Variants in PCDHGA7 observed in about 807,000 individuals in gnomAD.
The protein encoded by PCDHGA7 is protocadherin gamma-A7.
A neutral mutation model predicts 58.3 loss-of-function variants in PCDHGA7; 44 were observed. The observed-to-expected ratio is 0.75, with a 90% confidence interval of 0.59 to 0.97. PCDHGA7 has a LOEUF of 0.97. PCDHGA7 is among the 50% of genes least tolerant of loss of function. The pLI is 0.00. For synonymous variants in PCDHGA7, 516 were observed against 504.2 expected (o/e 1.02, Z -0.31); for missense variants, 1,266 against 1,188.7 (o/e 1.06, Z -0.96).
At chr5:141,400,341 C>T in intron 1 of PCDHGA7, 7 of 1,614,070 alleles carry the variant, frequency 4.3e-6, no homozygotes, top group Non-Finnish European at 5.9e-6. Flanking sequence ...TTCCCCCCAA[C>T]TACAGTCAGG....
In PCDHGA7 at chr5:141,432,866, G is replaced by A; in HGVS notation, c.2424+47543G>A. The A allele has an allele frequency of 6.2e-7, 1 of 1,614,152 alleles. No individual in the cohort carries two copies. The highest frequency in any genetic ancestry group is 8.5e-7 in the Non-Finnish European group (1 of 1,180,008). On this transcript the variant is annotated intron_variant, in intron 1 of 3. Transcript: ENST00000518325. This position sits in a 1 kb window ranked among gnomAD's most constrained non-coding sequence, Gnocchi z 6.0. ...GGTAGCGGTGGCCGCGGTCTCCTGC[G>A]TCTTCCTGGCCTTCGTCATCTTGCT...
rs755462760 is a variant in PCDHGA7, at chr5:141,393,015, T to A, written c.2424+7692T>A. On this transcript the variant is annotated intron_variant, in intron 1 of 3. Coordinates refer to ENST00000518325, the MANE Select transcript of PCDHGA7 (RefSeq NM_018920.4). ...GGCGAAGCACGGAGTCCGTATCGTC[T>A]CCAGAGGTAGGACGCAGCTCTTTGC... The A allele has an allele frequency of 1.6e-5, 26 of 1,613,696 alleles. No individual in the cohort carries two copies. The highest frequency in any genetic ancestry group is 1.9e-5 in the Non-Finnish European group (22 of 1,179,874).
chr5:141,413,286 C>G, intron 1 of PCDHGA7: 1 of 1,613,968 alleles, frequency 6.2e-7, no homozygotes, highest in Non-Finnish European at 8.5e-7. Flanking sequence ...AGATCTCCTA[C>G]TCAATTCCTG....
rs771459458 is a variant in PCDHGA7 at position 141,394,997 on chromosome 5, C to A, written c.2424+9674C>A. On this transcript the variant is annotated intron_variant, in intron 1 of 3. Coordinates refer to ENST00000518325, the MANE Select transcript of PCDHGA7 (RefSeq NM_018920.4). The stretch of plus-strand genomic sequence containing the variant: ...ACAAGTCACGCCTGCTCCAGGATTC[C>A]GGTGGCAGATTGGTAGGCGTGCCTG... 4 of 1,614,016 alleles carry A rather than the reference C, an allele frequency of 2.5e-6. No individual in the cohort carries two copies. In the South Asian group the frequency reaches 3.3e-5, roughly 13 times the overall value.
At chr5:141,398,683 C>T (rs910361681) in intron 1 of PCDHGA7, 1 of 1,613,796 alleles carries the variant, frequency 6.2e-7, no homozygotes, top group African/African-American at 1.3e-5. Flanking sequence ...TAAGGAGAAA[C>T]AGGATGGTAG....
chr5:141,415,745 T>C, intron 1 of PCDHGA7: 1 of 517,922 alleles, frequency 1.9e-6, no homozygotes, highest in Non-Finnish European at 2.4e-6. Context: ...TTAAGGTTTT[T>C]TTTTTTTTTT....
At chr5:141,422,302 G>A (rs749870505) in intron 1 of PCDHGA7, 2 of 1,549,012 alleles carry the variant, frequency 1.3e-6, no homozygotes, top group Admixed American at 4.3e-5. Flanking sequence ...TTCAATTCTG[G>A]AAAACTCTCC....
chr5:141,399,173 T>C, intron 1 of PCDHGA7: 1 of 1,613,830 alleles, frequency 6.2e-7, no homozygotes, highest in East Asian at 2.2e-5. Context: ...CATTCTCTAC[T>C]TGAAATGATT....
At chr5:141,395,517 T>G in intron 1 of PCDHGA7, 2 of 415,414 alleles carry the variant, frequency 4.8e-6, no homozygotes, top group Non-Finnish European at 4.3e-6. Context: ...TAGCTACCCG[T>G]CCATACTGGT....
At chr5:141,399,627 C>G (rs751717107) in intron 1 of PCDHGA7, 12 of 1,613,906 alleles carry the variant, frequency 7.4e-6, no homozygotes, top group South Asian at 1.1e-5. Context: ...TGGCCTCTTA[C>G]GTGTCCATGA....
intron 1 of PCDHGA7, chr5:141,400,326 T>A: frequency 6.2e-7 from 1 of 1,614,104 alleles, no homozygotes; most frequent in Non-Finnish European, 8.5e-7. Flanking sequence ...AGTCTGGACC[T>A]GTGGTTCCCC....
chr5:141,383,687 C>G lies in PCDHGA7; in HGVS notation c.788C>G (p.Thr263Arg). 3 of 1,613,968 alleles carry G rather than the reference C, an allele frequency of 1.9e-6. No homozygotes were observed. Among genetic ancestry groups the G allele is most frequent in the Non-Finnish European group, 2.5e-6 (3 of 1,179,866 alleles). ...ENVPVGTRLL[T>R]VHAIDLDEGV... ...GTGCCAGTGGGTACAAGACTGCTCA[C>G]GGTACATGCTATCGACCTGGACGAG... is the stretch of plus-strand genomic sequence containing the variant. The change falls in exon 1 of 4, where the codon ACG becomes AGG. Residue 263 changes from threonine to arginine, a missense_variant. Coordinates refer to ENST00000518325, the MANE Select transcript of PCDHGA7 (RefSeq NM_018920.4).
At chr5:141,442,848 T>C (rs1210778801) in intron 1 of PCDHGA7, among the ~76,000 whole-genome samples, 2 of 152,236 alleles carry the variant, frequency 1.3e-5, no homozygotes, top group Non-Finnish European at 2.9e-5. Context: ...ATCTTGGCCA[T>C]TGTAGTATGA....
At chr5:141,437,042 A>G (rs1355358776) in intron 1 of PCDHGA7, among the ~76,000 whole-genome samples, 1 of 152,264 alleles carries the variant, frequency 6.6e-6, no homozygotes, top group Non-Finnish European at 1.5e-5. Context: ...CACCGAAACC[A>G]GAAGGCTGGT....
chr5:141,434,924 A>G (rs2097731722), intron 1 of PCDHGA7, among the ~76,000 whole-genome samples: 1 of 151,756 alleles, frequency 6.6e-6, no homozygotes, highest in African/African-American at 2.4e-5. Context: ...ATGTACATAT[A>G]TTTTATATAA....
At position 141,485,413 on chromosome 5, in the gene PCDHGA7, C is replaced by T; in HGVS notation, c.2425-9394C>T. ...AAAGACACTTCCGTGTGGATTTGGA[C>T]AGCGGAGCCCTGCTCATCAAGAACC... On this transcript the variant is annotated intron_variant, in intron 1 of 3. Transcript: ENST00000518325. The surrounding 1 kb of genome is among the most constrained non-coding windows in gnomAD (Gnocchi z 5.7). The T allele has an allele frequency of 6.2e-7, 1 of 1,614,158 alleles. No individual in the cohort carries two copies. The highest frequency in any genetic ancestry group is 8.5e-7 in the Non-Finnish European group (1 of 1,180,030).
intron 1 of PCDHGA7, chr5:141,475,937 C>G (rs970582600): frequency 2.8e-5 from 19 of 676,764 alleles, no homozygotes; most frequent in African/African-American, 1.8e-4. Context: ...GGCCCCTGCC[C>G]GTCCCCTTTC....
Position 141,476,383 on chromosome 5 carries a change from C to T in PCDHGA7, c.2425-18424C>T, listed in dbSNP as rs547854431. The T allele has an allele frequency of 6.2e-7, 1 of 1,613,984 alleles. No homozygotes were observed. The highest frequency in any genetic ancestry group is 8.5e-7 in the Non-Finnish European group (1 of 1,180,044). On this transcript the variant is annotated intron_variant, in intron 1 of 3. Coordinates refer to ENST00000518325, the MANE Select transcript of PCDHGA7 (RefSeq NM_018920.4). This position sits in a 1 kb window ranked among gnomAD's most constrained non-coding sequence, Gnocchi z 7.6. ...GGGAGACCGGAGAGATGTTTGTGAA[C>T]GACCGTCTGGATCGAGAGGAGCTGT...
intron 1 of PCDHGA7, among the ~76,000 whole-genome samples, chr5:141,481,300 GA>G (rs998363845): frequency 3.3e-5 from 5 of 152,248 alleles, no homozygotes; most frequent in African/African-American, 1.2e-4. Context: ...TCATCTAAGG[GA>G]AAAACCTTCC....
Sources: gnomAD v4.1 joint callset for allele counts (sites outside exome capture counted in the v4.1 genomes callset) on GRCh38, gnomAD v4.1.1 for gene constraint, Gnocchi (gnomAD v3.1) non-coding constraint, MANE v1.5 for transcripts, NCBI Gene and HGNC (gene_info 2026-07-23, HGNC 2026-07-21) for gene names.